CFAP47: variants seen among roughly 807,000 people sequenced by gnomAD.
CFAP47 encodes the protein cilia- and flagella-associated protein 47.
CFAP47 carries 29 observed loss-of-function variants against 148.1 expected under a neutral mutation model. The observed-to-expected ratio is 0.20, with a 90% CI of 0.15 to 0.27. The LOEUF is 0.27. Among genes scored for constraint, CFAP47 ranks in the 10% least tolerant of loss-of-function variants. The pLI is 1.00. For synonymous variants in CFAP47, 664 were observed against 577.3 expected (o/e 1.15, Z -2.15); for missense variants, 1,872 against 1,697.5 (o/e 1.10, Z -1.81).
At chrX:36,334,556 C>G (rs868913317) in intron 57 of CFAP47, among the ~76,000 whole-genome samples, 18 of 110,425 alleles carry the variant, frequency 1.6e-4, no homozygotes, top group African/African-American at 6.0e-4. Context: ...TATATTAAAG[C>G]TCCTAAAAAT....
At chrX:36,362,227 A>C (rs782207278) in intron 61 of CFAP47, among the ~76,000 whole-genome samples, 1 of 112,574 alleles carries the variant, frequency 8.9e-6, no homozygotes, top group African/African-American at 3.2e-5. Context: ...CTTTTGTTTT[A>C]GATACAGGAA....
At chrX:36,052,600 A>G (rs904885366) in intron 26 of CFAP47, among the ~76,000 whole-genome samples, 5 of 112,133 alleles carry the variant, frequency 4.5e-5, no homozygotes, top group African/African-American at 1.6e-4. Context: ...CTGATGTTTA[A>G]AACTGAGAAT....
intron 56 of CFAP47, among the ~76,000 whole-genome samples, chrX:36,316,337 C>CTG (rs1941433277): frequency 8.9e-6 from 1 of 112,338 alleles, no homozygotes; most frequent in Non-Finnish European, 1.9e-5. Context: ...GTGAATTTCA[C>CTG]TGTGTTGTGA....
At chrX:36,289,621 G>A (rs898509195) in intron 51 of CFAP47, among the ~76,000 whole-genome samples, 1 of 111,424 alleles carries the variant, frequency 9.0e-6, no homozygotes, top group Admixed American at 9.5e-5. Context: ...TCTCTAATCT[G>A]CCTATACTCT....
chrX:36,309,277 C>T (rs931057004), intron 55 of CFAP47, among the ~76,000 whole-genome samples: 1 of 110,780 alleles, frequency 9.0e-6, no homozygotes, highest in Admixed American at 9.7e-5. Context: ...TACAATCCAG[C>T]GTGAGTCTGT....
intron 22 of CFAP47, among the ~76,000 whole-genome samples, chrX:36,019,615 A>C (rs766741495): frequency 3.1e-4 from 34 of 111,087 alleles, no homozygotes; most frequent in Non-Finnish European, 2.5e-4. Context: ...TATCTTTAAT[A>C]TTTTTCCCAC....
chrX:36,180,476 A>G (rs1047482858), intron 40 of CFAP47, among the ~76,000 whole-genome samples: 2 of 112,234 alleles, frequency 1.8e-5, no homozygotes, highest in Non-Finnish European at 3.8e-5. Context: ...GACAGCATCA[A>G]TATCATCCTT....
At chrX:36,072,000 C>T (rs1212819373) in intron 28 of CFAP47, 29 bp downstream of exon 28, 1 of 1,105,257 alleles carries the variant, frequency 9.0e-7, no homozygotes, top group Non-Finnish European at 1.2e-6. Flanking sequence ...GTGTACTTTC[C>T]AAAATTAGTC....
At position 35,919,755 on chromosome X, in the gene CFAP47, G is replaced by A; in HGVS notation, c.-45G>A. 1 of 1,168,066 alleles carries A rather than the reference G, an allele frequency of 8.6e-7. No homozygotes were observed. The highest frequency in any genetic ancestry group is 1.1e-6 in the Non-Finnish European group (1 of 869,928). On this transcript the variant is annotated 5_prime_UTR_variant, in exon 1 of 64. Transcript: ENST00000378653. Reference sequence around the variant, plus strand: ...CGACGGTCGTCGACGCTAATCCTTGGCCGGACGGATCCACATCTGTTTTCT... The same window carrying A: ...CGACGGTCGTCGACGCTAATCCTTGACCGGACGGATCCACATCTGTTTTCT...
intron 60 of CFAP47, among the ~76,000 whole-genome samples, chrX:36,359,204 A>G (rs1472753560): frequency 1.8e-5 from 2 of 112,153 alleles, no homozygotes; most frequent in Non-Finnish European, 3.8e-5. Flanking sequence ...CCCCTTATTC[A>G]TGAATTTAGC....
chrX:36,134,817 A>G (rs1939014914), intron 33 of CFAP47, among the ~76,000 whole-genome samples: 1 of 111,225 alleles, frequency 9.0e-6, no homozygotes, highest in Non-Finnish European at 1.9e-5. Context: ...ATTTTTGAAT[A>G]ACATATTCCA....
intron 10 of CFAP47, among the ~76,000 whole-genome samples, chrX:35,968,055 A>G (rs747217259): frequency 3.7e-4 from 41 of 110,490 alleles, no homozygotes; most frequent in African/African-American, 1.3e-3. Context: ...TTTCACCTCA[A>G]TATGTACTTG....
At chrX:36,302,090 T>C (rs782071662) in intron 53 of CFAP47, among the ~76,000 whole-genome samples, 7 of 109,639 alleles carry the variant, frequency 6.4e-5, no homozygotes, top group African/African-American at 1.7e-4. Context: ...TTCTAAGGTA[T>C]TGTTTATGAG....
At chrX:35,944,985 C>A (rs1302925563) in intron 3 of CFAP47, among the ~76,000 whole-genome samples, 8 of 111,994 alleles carry the variant, frequency 7.1e-5, no homozygotes, top group Admixed American at 4.8e-4. Context: ...AAAAACAATT[C>A]AAAGCCCTTT....
chrX:36,004,360 G>T (rs1936956238), intron 21 of CFAP47, among the ~76,000 whole-genome samples: 1 of 110,826 alleles, frequency 9.0e-6, no homozygotes, highest in Non-Finnish European at 1.9e-5. Flanking sequence ...TGCTACAAAA[G>T]AATAAAATAT....
At chrX:35,973,478 C>T (rs769905018) in intron 13 of CFAP47, among the ~76,000 whole-genome samples, 24 of 111,986 alleles carry the variant, frequency 2.1e-4, no homozygotes, top group South Asian at 1.5e-3. Flanking sequence ...TGTAAGCCAC[C>T]GTGCCCGGCC....
Position 35,966,661 on chromosome X carries a change from T to C in CFAP47, c.1507T>C (p.Ser503Pro). Residue 503 changes from serine (S) to proline (P), a missense_variant, in exon 9 of 64, where the codon TCT becomes CCT. Ser to Pro is a moderately conservative substitution (Grantham distance 74). Transcript: ENST00000378653. ...IGLVAEEDLQ[S>P]LSVKSFHHVY... ...TTTAGTGGCAGAAGAAGATTTGCAATCTTTGTCGGTAAAATCTTTCCATCA... is the reference window on the plus strand; with the variant it reads ...TTTAGTGGCAGAAGAAGATTTGCAACCTTTGTCGGTAAAATCTTTCCATCA... 8.4e-7 allele frequency: 1 copy of C among 1,184,683 alleles called. No homozygotes were observed. Among genetic ancestry groups the C allele is most frequent in the Non-Finnish European group, 1.1e-6 (1 of 879,512 alleles).
At position 35,950,779 on chromosome X, in the gene CFAP47, T is replaced by C. The variant is rs762014852; in HGVS notation, c.657-352T>C. On this transcript the variant is annotated intron_variant, in intron 4 of 63. Coordinates refer to ENST00000378653, the MANE Select transcript of CFAP47 (RefSeq NM_001304548.2). ...AGATGAGAAGAATTAGAAAAGAATTTCAGAATTTGAGAGCTAGAGGTAACC... is the reference window on the plus strand; with the variant it reads ...AGATGAGAAGAATTAGAAAAGAATTCCAGAATTTGAGAGCTAGAGGTAACC... 3.6e-5 allele frequency among the ~76,000 whole-genome samples: 4 copies of C among 111,646 alleles called. No homozygotes were observed. In the South Asian group the frequency reaches 1.5e-3, roughly 42 times the overall value.
intron 49 of CFAP47, among the ~76,000 whole-genome samples, chrX:36,256,274 T>C (rs782688717): frequency 8.9e-6 from 1 of 111,831 alleles, no homozygotes; most frequent in South Asian, 3.7e-4. Context: ...GAGTAGGCCT[T>C]AGTGGTGATT....
Sources: gnomAD v4.1 joint callset for allele counts (sites outside exome capture counted in the v4.1 genomes callset) on GRCh38, gnomAD v4.1.1 for gene constraint, MANE v1.5 for transcripts, NCBI Gene and HGNC (gene_info 2026-07-23, HGNC 2026-07-21) for gene names.